Variants in PDE4B observed in about 807,000 individuals in gnomAD.
PDE4B encodes phosphodiesterase 4B.
A neutral mutation model predicts 82.2 loss-of-function variants in PDE4B; 20 were observed. That is an observed-to-expected ratio of 0.24 (90% CI 0.17 to 0.35). PDE4B has a LOEUF of 0.35. PDE4B is among the 10% of genes least tolerant of loss of function. The probability of loss-of-function intolerance (pLI) is 1.00; values close to 1 mark genes in which losing one functional copy is unlikely to be tolerated. For synonymous variants in PDE4B, 320 were observed against 318.9 expected (o/e 1.00, Z -0.04); for missense variants, 655 against 907.2 (o/e 0.72, Z 3.57).
At chr1:66,282,006 C>T (rs1362056024) in intron 7 of PDE4B, among the ~76,000 whole-genome samples, 1 of 152,170 alleles carries the variant, frequency 6.6e-6, no homozygotes, top group Non-Finnish European at 1.5e-5. Context: ...TTGGCATGAG[C>T]TCTCTGTGCT....
rs995290990 is a variant in PDE4B at position 66,374,193 on chromosome 1, C to T, written c.*1515C>T. The T allele has an allele frequency of 4.6e-5, 7 of 152,680 alleles. No homozygotes were observed. The highest frequency in any genetic ancestry group is 1.2e-4 in the African/African-American group (5 of 41,546). The allele number at this position is 152,680 out of a possible 1,614,324, so 9.5% of individuals were successfully genotyped here. A position where few individuals can be genotyped will look rare whatever the true frequency, so the allele number is the denominator to read the frequency against. Reference sequence around the variant, plus strand: ...AGGTAGCCTCCTGCCTGCCATTAAGCAGGAATGTCATGTTCCAGTTCATTA... The same window carrying T: ...AGGTAGCCTCCTGCCTGCCATTAAGTAGGAATGTCATGTTCCAGTTCATTA... On this transcript the variant is annotated 3_prime_UTR_variant, in exon 17 of 17. Transcript: ENST00000341517.
intron 7 of PDE4B, among the ~76,000 whole-genome samples, chr1:66,317,844 C>T (rs1659132043): frequency 6.6e-6 from 1 of 152,146 alleles, no homozygotes; most frequent in African/African-American, 2.4e-5. Flanking sequence ...CTGCAGTGAG[C>T]CGTGATCACG....
At chr1:66,281,568 G>A (rs1656306092) in intron 7 of PDE4B, among the ~76,000 whole-genome samples, 1 of 152,216 alleles carries the variant, frequency 6.6e-6, no homozygotes, top group African/African-American at 2.4e-5. Context: ...TCACTTCTGA[G>A]ATTTTTCTTG....
intron 3 of PDE4B, among the ~76,000 whole-genome samples, chr1:66,096,511 TATATATATATA>T (rs1557557818): frequency 1.1e-4 from 14 of 132,916 alleles, no homozygotes; most frequent in African/African-American, 3.8e-4. Context: ...AAAAAAATTA[TATATATATATA>T]TATATATATA....
chr1:66,038,607 T>C (rs185307135), intron 3 of PDE4B, among the ~76,000 whole-genome samples: 3 of 152,198 alleles, frequency 2.0e-5, no homozygotes, highest in East Asian at 1.9e-4. Context: ...GAAATGAAGT[T>C]GTAGGATTTT....
intron 1 of PDE4B, among the ~76,000 whole-genome samples, chr1:65,828,940 A>G (rs1646050289): frequency 2.0e-5 from 3 of 152,222 alleles, no homozygotes; most frequent in Non-Finnish European, 1.5e-5. Flanking sequence ...AAGATGGAAT[A>G]TATAAACTCA....
At chr1:65,847,924 G>T (rs193072634) in intron 1 of PDE4B, among the ~76,000 whole-genome samples, 4 of 146,410 alleles carry the variant, frequency 2.7e-5, no homozygotes, top group African/African-American at 8.0e-5. Context: ...TTCATAAATC[G>T]TAAGCAGATG....
chr1:66,333,202 A>G (rs1660256024), intron 8 of PDE4B, among the ~76,000 whole-genome samples: 2 of 152,164 alleles, frequency 1.3e-5, no homozygotes, highest in African/African-American at 4.8e-5. Flanking sequence ...GTTTTCTTTA[A>G]GTTTGCTGAT....
intron 3 of PDE4B, among the ~76,000 whole-genome samples, chr1:66,229,071 G>T (rs149515700): frequency 0.036 from 5,422 of 151,960 alleles, 153 homozygotes; most frequent in African/African-American, 0.079. Flanking sequence ...GCAGTGGCTC[G>T]ATATTGGCTC....
intron 7 of PDE4B, among the ~76,000 whole-genome samples, chr1:66,293,165 G>A (rs1657233411): frequency 6.6e-6 from 1 of 152,156 alleles, no homozygotes; most frequent in Non-Finnish European, 1.5e-5. Context: ...CAGGCGGGGA[G>A]GGAGGGAGAA....
chr1:65,961,496 A>G lies in PDE4B; in HGVS notation c.281+42661A>G, dbSNP rs537065268. 6.6e-5 allele frequency among the ~76,000 whole-genome samples: 10 copies of G among 152,322 alleles called. No homozygotes were observed. In the South Asian group the frequency reaches 1.9e-3, roughly 28 times the overall value. On this transcript the variant is annotated intron_variant, in intron 3 of 16. Coordinates refer to ENST00000341517, the MANE Select transcript of PDE4B (RefSeq NM_002600.4). ...TCTTTTATAGGTGTTCATAATAAGA[A>G]TAAAGATAATAATTAGTACTTTTTG...
intron 3 of PDE4B, among the ~76,000 whole-genome samples, chr1:65,940,048 TAAAC>T (rs773412230): frequency 4.7e-4 from 71 of 152,068 alleles, no homozygotes; most frequent in Non-Finnish European, 1.5e-4. Context: ...ATAAATGAAA[TAAAC>T]AAGGTGATGT....
intron 1 of PDE4B, among the ~76,000 whole-genome samples, chr1:65,797,766 G>T (rs1645647837): frequency 6.6e-6 from 1 of 152,156 alleles, no homozygotes; most frequent in African/African-American, 2.4e-5. Context: ...ACCCCAGTTA[G>T]ATGCAGACAA....
intron 2 of PDE4B, among the ~76,000 whole-genome samples, chr1:65,916,383 T>C (rs17128127): frequency 0.015 from 2,274 of 152,250 alleles, 57 homozygotes; most frequent in African/African-American, 0.052. Flanking sequence ...CTTACTACAA[T>C]TAAACCTGGA....
intron 3 of PDE4B, among the ~76,000 whole-genome samples, chr1:66,174,956 A>C (rs375428711): frequency 6.6e-6 from 1 of 152,150 alleles, no homozygotes; most frequent in South Asian, 2.1e-4. Context: ...GGAGAGAGAG[A>C]GGGAGGAGGT....
At chr1:65,980,990 C>A (rs1310227835) in intron 3 of PDE4B, among the ~76,000 whole-genome samples, 1 of 152,086 alleles carries the variant, frequency 6.6e-6, no homozygotes, top group African/African-American at 2.4e-5. Context: ...TTTTAAATCT[C>A]AGACATGTAA....
At chr1:66,228,078 C>T (rs996388126) in intron 3 of PDE4B, among the ~76,000 whole-genome samples, 2 of 152,228 alleles carry the variant, frequency 1.3e-5, no homozygotes, top group Non-Finnish European at 2.9e-5. Flanking sequence ...TTCAAATACA[C>T]TAGGCATGCT....
chr1:66,253,757 T>C (rs1232803544), intron 4 of PDE4B, among the ~76,000 whole-genome samples: 2 of 152,250 alleles, frequency 1.3e-5, no homozygotes, highest in East Asian at 3.8e-4. Flanking sequence ...TTCTTTTCTG[T>C]TACTTTCTAT....
chr1:65,974,493 A>G (rs574509656), intron 3 of PDE4B, among the ~76,000 whole-genome samples: 1 of 152,296 alleles, frequency 6.6e-6, no homozygotes, highest in African/African-American at 2.4e-5. Flanking sequence ...TCCCTGGGTC[A>G]TGGCAGACAT....
Sources: allele counts gnomAD v4.1 joint callset (sites outside exome capture counted in the v4.1 genomes callset), GRCh38; gene constraint gnomAD v4.1.1; transcripts MANE v1.5; gene names NCBI Gene and HGNC (gene_info 2026-07-23, HGNC 2026-07-21).